FBXW11: variants seen among roughly 807,000 people sequenced by gnomAD.
FBXW11 encodes the protein F-box and WD repeat domain containing 11.
In FBXW11, 19 loss-of-function variants were observed where a neutral mutation model predicts 77.6. The observed-to-expected ratio is 0.24, with a 90% CI of 0.17 to 0.36. The LOEUF is 0.36. Ranked by LOEUF, FBXW11 falls within the 10% of genes least tolerant of loss-of-function variation. The pLI is 1.00. For synonymous variants in FBXW11, 235 were observed against 249.4 expected (o/e 0.94, Z 0.54); for missense variants, 334 against 704.2 (o/e 0.47, Z 5.95).
In FBXW11 at chr5:171,904,898, T is replaced by A. The variant is rs1760372687; in HGVS notation, c.437-4798A>T. 6.6e-6 allele frequency among the ~76,000 whole-genome samples: 1 copy of A among 152,146 alleles called. No homozygotes were observed. The highest frequency in any genetic ancestry group is 2.4e-5 in the African/African-American group (1 of 41,426). ...AATCTGTATTTTTAAGAAGTGCCAC[T>A]AGATAATGCTGAAGTATTAGGAACT... On this transcript the variant is annotated intron_variant, in intron 4 of 13. Transcript: ENST00000517395. This position sits in a 1 kb window ranked among gnomAD's most constrained non-coding sequence, Gnocchi z 4.0.
intron 2 of FBXW11, among the ~76,000 whole-genome samples, chr5:171,915,318 T>A (rs986722969): frequency 1.5e-4 from 23 of 152,344 alleles, no homozygotes; most frequent in African/African-American, 5.0e-4. Flanking sequence ...CTATTTAAGG[T>A]ATCAGTGTTT....
rs747997841 is a variant in FBXW11 at position 171,891,525 on chromosome 5, T to TAGACA, written c.789_793dup (p.Tyr265LeufsTer32). 1 of 1,611,664 alleles carries TAGACA rather than the reference T, an allele frequency of 6.2e-7. No homozygotes were observed. Among genetic ancestry groups the TAGACA allele is most frequent in the Non-Finnish European group, 8.5e-7 (1 of 1,179,320 alleles). On this transcript the variant is annotated frameshift_variant, in exon 7 of 14. Transcript: ENST00000517395. LOFTEE classifies it high-confidence loss of function. ...TTTTTCATCATCGTACTGTAAACAG[T>TAGACA]AGACACCTTTACTATTTTCAGAGCG... is the stretch of plus-strand genomic sequence containing the variant.
chr5:171,930,294 C>G (rs1213131359), intron 2 of FBXW11, among the ~76,000 whole-genome samples: 14 of 152,128 alleles, frequency 9.2e-5, no homozygotes, highest in Non-Finnish European at 2.9e-5. Flanking sequence ...TAAAGAACAC[C>G]TGCAAAAAAC....
intron 2 of FBXW11, among the ~76,000 whole-genome samples, chr5:171,915,066 A>G (rs942550349): frequency 4.6e-5 from 7 of 152,216 alleles, no homozygotes; most frequent in African/African-American, 9.7e-5. Flanking sequence ...CAGTCGCTCA[A>G]TAGATGCCCA....
intron 7 of FBXW11, among the ~76,000 whole-genome samples, chr5:171,878,830 G>C (rs1021220899): frequency 1.3e-5 from 2 of 151,898 alleles, no homozygotes; most frequent in African/African-American, 2.4e-5. Context: ...TAATGAAAAA[G>C]AATTGGCTCA....
intron 6 of FBXW11, among the ~76,000 whole-genome samples, chr5:171,893,445 A>C (rs933105700): frequency 1.3e-5 from 2 of 149,010 alleles, no homozygotes; most frequent in African/African-American, 2.5e-5. Context: ...AAAAAAAAAA[A>C]AACTAACCCA....
chr5:171,932,345 A>G (rs1160333131), intron 2 of FBXW11, among the ~76,000 whole-genome samples: 2 of 152,210 alleles, frequency 1.3e-5, no homozygotes, highest in Admixed American at 1.3e-4. Context: ...AAAACAAAAT[A>G]CCACAACACA....
intron 5 of FBXW11, 29 bp from the exon 6 acceptor site, chr5:171,899,123 A>G: frequency 6.8e-7 from 1 of 1,473,750 alleles, no homozygotes; most frequent in Non-Finnish European, 9.3e-7. Context: ...CAGATGTTAC[A>G]TTTTTGCACA....
At chr5:171,918,742 T>C (rs548160745) in intron 2 of FBXW11, among the ~76,000 whole-genome samples, 14 of 152,312 alleles carry the variant, frequency 9.2e-5, no homozygotes, top group South Asian at 6.2e-4. Context: ...TTGAGATGGA[T>C]ATTTCTTTGT....
chr5:171,960,662 T>C (rs1033621293), intron 1 of FBXW11, among the ~76,000 whole-genome samples: 2 of 152,206 alleles, frequency 1.3e-5, no homozygotes, highest in Non-Finnish European at 2.9e-5. Context: ...TACTATTTAG[T>C]ATAACCTCGC....
chr5:171,923,948 C>CA (rs1276742001), intron 2 of FBXW11, among the ~76,000 whole-genome samples: 11 of 93,508 alleles, frequency 1.2e-4, no homozygotes, highest in Non-Finnish European at 1.9e-4. Context: ...TTTTTTGAGA[C>CA]AGAGTCTTGC....
intron 1 of FBXW11, among the ~76,000 whole-genome samples, chr5:172,006,240 G>A (rs1038514172): frequency 1.3e-5 from 2 of 152,232 alleles, no homozygotes; most frequent in South Asian, 4.1e-4. Flanking sequence ...AGGGGGAGAA[G>A]CGAGGGGCAT....
chr5:171,924,112 T>C (rs995183536), intron 2 of FBXW11, among the ~76,000 whole-genome samples: 2 of 151,640 alleles, frequency 1.3e-5, no homozygotes, highest in African/African-American at 4.9e-5. Flanking sequence ...TTAGTAGAGA[T>C]GGAGTTTCAC....
intron 2 of FBXW11, among the ~76,000 whole-genome samples, chr5:171,930,942 T>C (rs1215630178): frequency 6.6e-6 from 1 of 152,040 alleles, no homozygotes; most frequent in East Asian, 1.9e-4. Flanking sequence ...CATAAACACC[T>C]ATAGATATAA....
intron 1 of FBXW11, chr5:171,977,808 G>A: frequency 7.0e-6 from 2 of 287,672 alleles, no homozygotes; most frequent in Non-Finnish European, 1.4e-5. Context: ...GAACAGCATG[G>A]GAAAGACCTG....
At chr5:171,892,397 A>G (rs976972485) in intron 6 of FBXW11, among the ~76,000 whole-genome samples, 2 of 152,248 alleles carry the variant, frequency 1.3e-5, no homozygotes, top group Non-Finnish European at 2.9e-5. Flanking sequence ...ATTTGCCTGC[A>G]GCCACAAAAT....
In FBXW11 at chr5:171,937,945, A is replaced by C. The variant is rs1490228969; in HGVS notation, c.147+19652T>G. 3.3e-5 allele frequency among the ~76,000 whole-genome samples: 5 copies of C among 152,338 alleles called. No individual in the cohort carries two copies. In the East Asian group the frequency reaches 9.6e-4, roughly 29 times the overall value. On this transcript the variant is annotated intron_variant, in intron 2 of 13. Transcript: ENST00000517395. ...AACCTTAAATGACAAACTGGAAAAA[A>C]AATTTGCAGCCTATGTCACAAATAA... is the stretch of plus-strand genomic sequence containing the variant.
chr5:171,955,788 C>T (rs1172122504), intron 2 of FBXW11, among the ~76,000 whole-genome samples: 1 of 151,476 alleles, frequency 6.6e-6, no homozygotes, highest in Non-Finnish European at 1.5e-5. Flanking sequence ...AATATTGCTC[C>T]ACTCACTGAA....
chr5:171,918,088 C>T lies in FBXW11; in HGVS notation c.148-3683G>A, dbSNP rs138565454. Among the ~76,000 whole-genome samples, 4 of 152,112 alleles carry T rather than the reference C, an allele frequency of 2.6e-5. No homozygotes were observed. In the East Asian group the frequency reaches 7.7e-4, roughly 29 times the overall value. ...ATACTTTTGGGAGACAAAGGAAACACCCACTTTGTTAAATACAATACAGTC... is the reference window on the plus strand; with the variant it reads ...ATACTTTTGGGAGACAAAGGAAACATCCACTTTGTTAAATACAATACAGTC... On this transcript the variant is annotated intron_variant, in intron 2 of 13. Coordinates refer to ENST00000517395, the MANE Select transcript of FBXW11 (RefSeq NM_001378974.1).
Sources: gnomAD v4.1 joint callset for allele counts (sites outside exome capture counted in the v4.1 genomes callset) on GRCh38, gnomAD v4.1.1 for gene constraint, Gnocchi (gnomAD v3.1) non-coding constraint, MANE v1.5 for transcripts, NCBI Gene and HGNC (gene_info 2026-07-23, HGNC 2026-07-21) for gene names.